The following PPM1E variants were observed in gnomAD, a reference collection of about 807,000 sequenced individuals.
PPM1E encodes protein phosphatase, Mg2+/Mn2+ dependent 1E.
Under a neutral mutation model 65.9 loss-of-function variants are expected in PPM1E, and 20 were observed. The ratio of observed to expected loss-of-function variants is 0.30; its 90% CI spans 0.21 to 0.44. The LOEUF is 0.44. Ranked by LOEUF, PPM1E falls within the 20% of genes least tolerant of loss-of-function variation. The pLI is 1.00. For synonymous variants in PPM1E, 352 were observed against 374.9 expected (o/e 0.94, Z 0.70); for missense variants, 713 against 953.1 (o/e 0.75, Z 3.32).
intron 1 of PPM1E, among the ~76,000 whole-genome samples, chr17:58,772,196 C>T (rs11653599): frequency 0.3 from 45,238 of 151,198 alleles, 7,229 homozygotes; most frequent in Middle Eastern, 0.48. Flanking sequence ...CGGTGGCTCA[C>T]GCCTGTAATC....
At chr17:58,756,985 C>G (rs2049774564) in intron 1 of PPM1E, among the ~76,000 whole-genome samples, 2 of 152,210 alleles carry the variant, frequency 1.3e-5, no homozygotes, top group African/African-American at 4.8e-5. Context: ...GTAACTGCAA[C>G]AATGATGGTT....
At chr17:58,847,366 A>G (rs1031188935) in intron 1 of PPM1E, among the ~76,000 whole-genome samples, 27 of 152,174 alleles carry the variant, frequency 1.8e-4, no homozygotes, top group Admixed American at 7.2e-4. Flanking sequence ...CCTGAATGGT[A>G]TTGCCTAGAT....
At chr17:58,771,838 A>G (rs1291676924) in intron 1 of PPM1E, among the ~76,000 whole-genome samples, 1 of 152,160 alleles carries the variant, frequency 6.6e-6, no homozygotes, top group East Asian at 1.9e-4. Flanking sequence ...TATGCCAAAC[A>G]CTGTGCTAAA....
At chr17:58,974,188 A>G (rs2030849146) in intron 6 of PPM1E, among the ~76,000 whole-genome samples, 1 of 152,008 alleles carries the variant, frequency 6.6e-6, no homozygotes, top group South Asian at 2.1e-4. Context: ...TCAAATCAGT[A>G]TTTTTCAGAG....
At chr17:58,923,522 G>A (rs2051781621) in intron 1 of PPM1E, among the ~76,000 whole-genome samples, 1 of 151,746 alleles carries the variant, frequency 6.6e-6, no homozygotes, top group South Asian at 2.1e-4. Context: ...AAGGTGGACA[G>A]ATCACCTAAG....
Position 58,981,208 on chromosome 17 carries a change from G to T in PPM1E, c.*177G>T. The T allele has an allele frequency of 1.8e-6, 1 of 570,906 alleles. No individual in the cohort carries two copies. The highest frequency in any genetic ancestry group is 3.0e-6 in the Non-Finnish European group (1 of 335,266). The allele number at this position is 570,906 out of a possible 1,614,324, so 35.4% of individuals were successfully genotyped here. ...AAGTACAGTGTTTTCAATCTAAAAA[G>T]AAGTATTGGCAGTTTCACTTGCAAA... On this transcript the variant is annotated 3_prime_UTR_variant, in exon 7 of 7. Transcript: ENST00000308249.
chr17:58,875,964 A>G (rs899430979), intron 1 of PPM1E, among the ~76,000 whole-genome samples: 1 of 152,234 alleles, frequency 6.6e-6, no homozygotes, highest in Non-Finnish European at 1.5e-5. Flanking sequence ...TGGAGTATCA[A>G]TGACTTTACA....
At chr17:58,936,197 C>T (rs1404031154) in intron 1 of PPM1E, among the ~76,000 whole-genome samples, 1 of 152,126 alleles carries the variant, frequency 6.6e-6, no homozygotes, top group Non-Finnish European at 1.5e-5. Flanking sequence ...AGCTTAAATT[C>T]AGCCCCAATT....
rs762239736 is a variant in PPM1E, at chr17:58,969,702, G to A, written c.947G>A (p.Arg316Gln). The A allele has an allele frequency of 3.7e-5, 60 of 1,614,010 alleles. No homozygotes were observed. Among genetic ancestry groups the A allele is most frequent in the African/African-American group, 9.3e-5 (7 of 74,918 alleles). The change falls in exon 4 of 7, where the codon CGG becomes CAG. Residue 316 changes from arginine to glutamine, a missense_variant. Around this residue, in one of 6 missense-constraint regions of PPM1E, gnomAD observed 88 missense variants for 231.1 expected, o/e 0.38. Transcript: ENST00000308249. ...AGGGCCTTCCGGGTCACTGATGAGCGGTTTGTGCAGAAAGCAGCCAGGGAG... is the reference window on the plus strand; with the variant it reads ...AGGGCCTTCCGGGTCACTGATGAGCAGTTTGTGCAGAAAGCAGCCAGGGAG... ...LCRAFRVTDE[R>Q]FVQKAARESL... is the part of the protein sequence containing the mutation.
intron 4 of PPM1E, 61 bp from the exon 5 acceptor site, chr17:58,972,071 C>T: frequency 6.7e-7 from 1 of 1,502,310 alleles, no homozygotes; most frequent in Non-Finnish European, 9.1e-7. Context: ...AATTGCTTCT[C>T]AATAAGAATG....
rs754228468 is a variant in PPM1E, at chr17:58,955,774, A to T, written c.583+7A>T. On this transcript the variant is annotated splice_region_variant and intron_variant, in intron 2 of 6. Transcript: ENST00000308249. ...GGCACAGAAGGGACTGTGGGTGAGTACCTTTCTACATTATTTGTTTAAAAA... is the reference window on the plus strand; with the variant it reads ...GGCACAGAAGGGACTGTGGGTGAGTTCCTTTCTACATTATTTGTTTAAAAA... 1.5e-5 allele frequency: 23 copies of T among 1,575,506 alleles called. No individual in the cohort carries two copies. The highest frequency in any genetic ancestry group is 1.7e-4 in the Middle Eastern group (1 of 5,932).
chr17:58,756,574 C>G (rs1405716873), intron 1 of PPM1E, 113 bp downstream of exon 1: 1 of 1,170,156 alleles, frequency 8.5e-7, no homozygotes, highest in African/African-American at 1.6e-5. Context: ...CTCCCCCGCA[C>G]CCGCGCCTGC....
chr17:58,894,528 G>A (rs1007416901), intron 1 of PPM1E, among the ~76,000 whole-genome samples: 7 of 152,016 alleles, frequency 4.6e-5, no homozygotes, highest in African/African-American at 7.3e-5. Context: ...AATTGATTTT[G>A]CACCATCAGT....
intron 1 of PPM1E, among the ~76,000 whole-genome samples, chr17:58,873,761 A>AT (rs1205169911): frequency 0.015 from 2,024 of 136,764 alleles, 37 homozygotes; most frequent in African/African-American, 0.042. Context: ...TGCCCAGCTA[A>AT]TTTTTTTTTT....
intron 1 of PPM1E, among the ~76,000 whole-genome samples, chr17:58,779,262 G>A (rs765265896): frequency 6.8e-6 from 1 of 147,106 alleles, no homozygotes; most frequent in Non-Finnish European, 1.5e-5. Flanking sequence ...TGCAACCTCC[G>A]CTTCCTGGGT....
intron 1 of PPM1E, among the ~76,000 whole-genome samples, chr17:58,930,250 TACACACACACACAC>T (rs377147999): frequency 7.0e-6 from 1 of 143,202 alleles, no homozygotes; most frequent in East Asian, 2.0e-4. Context: ...TAAATGTATA[TACACACACACACAC>T]ACACACACAC....
rs368130733 is a variant in PPM1E, at chr17:58,944,834, T to C, written c.465-10815T>C. Among the ~76,000 whole-genome samples, 102 of 152,322 alleles carry C rather than the reference T, an allele frequency of 6.7e-4. 1 individual carries two copies. The South Asian group carries it at 0.018, about 27-fold the overall frequency. On this transcript the variant is annotated intron_variant, in intron 1 of 6. Transcript: ENST00000308249. ...TTTTGTGAATATATGTTTTTATTTCTCATGCATGTATACCTAGGAGTGGAA... is the reference window on the plus strand; with the variant it reads ...TTTTGTGAATATATGTTTTTATTTCCCATGCATGTATACCTAGGAGTGGAA...
intron 1 of PPM1E, among the ~76,000 whole-genome samples, chr17:58,793,241 G>A (rs1483551117): frequency 2.0e-5 from 3 of 151,438 alleles, no homozygotes; most frequent in Non-Finnish European, 4.4e-5. Flanking sequence ...TGATCTTTCT[G>A]TCTCTACTAC....
At chr17:58,787,922 G>T (rs1030894485) in intron 1 of PPM1E, among the ~76,000 whole-genome samples, 1 of 140,534 alleles carries the variant, frequency 7.1e-6, no homozygotes, top group Non-Finnish European at 1.6e-5. Flanking sequence ...AAAAAAAAAA[G>T]AAAAGAAAGA....
Sources: gnomAD v4.1 joint callset for allele counts (sites outside exome capture counted in the v4.1 genomes callset) on GRCh38, gnomAD v4.1.1 for gene constraint, gnomAD v4.1.1 regional missense constraint, MANE v1.5 for transcripts, NCBI Gene and HGNC (gene_info 2026-07-23, HGNC 2026-07-21) for gene names.